The following GRIK3 variants were observed in gnomAD, a reference collection of about 807,000 sequenced individuals.
GRIK3 encodes glutamate receptor ionotropic, kainate 3.
GRIK3 carries 29 observed loss-of-function variants against 102.5 expected under a neutral mutation model. The ratio of observed to expected loss-of-function variants is 0.28; its 90% CI spans 0.21 to 0.39. The LOEUF is 0.39. Ranked by LOEUF, GRIK3 falls within the 10% of genes least tolerant of loss-of-function variation. The pLI, the probability that GRIK3 is intolerant of heterozygous loss-of-function variation, is 1.00. For missense variants in GRIK3, 908 were observed against 1,252.4 expected (o/e 0.73, Z 4.15); for synonymous variants, 511 against 504.9 (o/e 1.01, Z -0.16).
intron 1 of GRIK3, among the ~76,000 whole-genome samples, chr1:36,991,131 C>CA (rs1353094845): frequency 2.6e-5 from 4 of 152,180 alleles, no homozygotes; most frequent in African/African-American, 9.7e-5. Context: ...CAAATCACTT[C>CA]ACCTCTCTGA....
intron 1 of GRIK3, among the ~76,000 whole-genome samples, chr1:36,998,914 A>C (rs1469862579): frequency 6.6e-6 from 1 of 152,062 alleles, no homozygotes; most frequent in Non-Finnish European, 1.5e-5. Context: ...TCCATCTAGC[A>C]GGGTTTGCAG....
chr1:36,900,291 CT>C (rs1641220963), intron 1 of GRIK3, among the ~76,000 whole-genome samples: 1 of 152,072 alleles, frequency 6.6e-6, no homozygotes, highest in African/African-American at 2.4e-5. Flanking sequence ...AATGCTCCTC[CT>C]CCCCCTCCTG....
At chr1:37,032,521 G>A (rs900388542) in intron 1 of GRIK3, among the ~76,000 whole-genome samples, 2 of 152,130 alleles carry the variant, frequency 1.3e-5, no homozygotes, top group African/African-American at 4.8e-5. Context: ...CCCCTGGAAT[G>A]GTGCCAGGCT....
chr1:36,905,368 A>G (rs1641275216), intron 1 of GRIK3, among the ~76,000 whole-genome samples: 1 of 152,128 alleles, frequency 6.6e-6, no homozygotes, highest in African/African-American at 2.4e-5. Flanking sequence ...GACACACCAG[A>G]AGGACACACA....
Position 36,891,064 on chromosome 1 carries a change from C to G in GRIK3, c.148G>C (p.Ala50Pro). Residue 50 changes from alanine (A) to proline (P), a missense_variant, in exon 2 of 16, where the codon GCC (alanine) becomes CCC (proline). This residue lies in a region of GRIK3 where 585 missense variants were observed against 824.9 expected (regional missense o/e 0.71). Transcript: ENST00000373091. ...GIFEYADGPNAQVMNAEEHAF... is the reference protein window; with the variant it reads ...GIFEYADGPNPQVMNAEEHAF... ...TGCTCCTCGGCATTCATGACCTGGG[C>G]GTTGGGGCCGTCCGCATACTCGAAG... 1 of 1,613,446 alleles carries G rather than the reference C, an allele frequency of 6.2e-7. No homozygotes were observed. Among genetic ancestry groups the G allele is most frequent in the Non-Finnish European group, 8.5e-7 (1 of 1,179,608 alleles).
At position 36,801,533 on chromosome 1, in the gene GRIK3, C is replaced by T. The variant is rs771487604; in HGVS notation, c.*318G>A. The stretch of plus-strand genomic sequence containing the variant: ...ATTTTCTGTGCCCTCTGCAGGGCTG[C>T]GGCAGAAACTTCTGACTCTGGAGGA... On this transcript the variant is annotated 3_prime_UTR_variant, in exon 16 of 16. Coordinates refer to ENST00000373091, the MANE Select transcript of GRIK3 (RefSeq NM_000831.4). The T allele has an allele frequency of 1.8e-4, 45 of 252,510 alleles. No individual in the cohort carries two copies. Among genetic ancestry groups the T allele is most frequent in the Non-Finnish European group, 2.4e-4 (32 of 132,346 alleles). 15.6% of individuals were successfully genotyped at this position (252,510 alleles called of 1,614,324 possible).
rs576310035 is a variant in GRIK3 at position 36,827,010 on chromosome 1, G to A, written c.1531-1184C>T. On this transcript the variant is annotated intron_variant, in intron 10 of 15. Transcript: ENST00000373091. Reference sequence around the variant, plus strand: ...TGTTCTGCACATTCCACACTGTTTAGGATGTCCTCTTCTTATAGTCTCATT... The same window carrying A: ...TGTTCTGCACATTCCACACTGTTTAAGATGTCCTCTTCTTATAGTCTCATT... Among the ~76,000 whole-genome samples the A allele has an allele frequency of 5.3e-5, 8 of 152,208 alleles. No individual in the cohort carries two copies. The South Asian group carries it at 1.5e-3, about 28-fold the overall frequency.
chr1:37,001,556 G>A (rs1296162120), intron 1 of GRIK3, among the ~76,000 whole-genome samples: 5 of 151,948 alleles, frequency 3.3e-5, no homozygotes, highest in African/African-American at 4.8e-5. Context: ...ATCACACCAA[G>A]CAGAGGCCTG....
At chr1:36,973,495 C>T (rs1642165220) in intron 1 of GRIK3, among the ~76,000 whole-genome samples, 2 of 150,638 alleles carry the variant, frequency 1.3e-5, no homozygotes, top group South Asian at 4.2e-4. Flanking sequence ...TCTTGGCTCA[C>T]CACAACCTCC....
intron 1 of GRIK3, among the ~76,000 whole-genome samples, chr1:36,987,056 C>T (rs1642314268): frequency 6.6e-6 from 1 of 152,220 alleles, no homozygotes; most frequent in Non-Finnish European, 1.5e-5. Context: ...GCTGAGCACT[C>T]CTCTGCCCAC....
intron 9 of GRIK3, among the ~76,000 whole-genome samples, chr1:36,842,891 T>G (rs991353276): frequency 7.2e-5 from 11 of 152,178 alleles, no homozygotes; most frequent in African/African-American, 2.7e-4. Context: ...GTGCGAGTTC[T>G]GTGCCTGAGG....
rs1191746628 is a variant in GRIK3 at position 36,811,622 on chromosome 1, G to T, written c.2092-5296C>A. On this transcript the variant is annotated intron_variant, in intron 13 of 15. Coordinates refer to ENST00000373091, the MANE Select transcript of GRIK3 (RefSeq NM_000831.4). ...ATCTCAATGGCTCCATAAGGTGGGT[G>T]CCCTTTAGCTGGTCATCTCCAGTGT... Among the ~76,000 whole-genome samples, 6 of 152,158 alleles carry T rather than the reference G, an allele frequency of 3.9e-5. No individual in the cohort carries two copies. In the East Asian group the frequency reaches 9.6e-4, roughly 24 times the overall value.
chr1:37,018,992 C>T (rs961330374), intron 1 of GRIK3, among the ~76,000 whole-genome samples: 1 of 152,174 alleles, frequency 6.6e-6, no homozygotes, highest in African/African-American at 2.4e-5. Flanking sequence ...GATTTTCCCT[C>T]CCACCCTCCA....
chr1:36,883,692 C>A (rs1412295329), intron 2 of GRIK3, among the ~76,000 whole-genome samples: 1 of 152,128 alleles, frequency 6.6e-6, no homozygotes, highest in Non-Finnish European at 1.5e-5. Context: ...GGAGGAGAGG[C>A]CAACCAGAGG....
intron 1 of GRIK3, among the ~76,000 whole-genome samples, chr1:37,021,102 G>A (rs1353241346): frequency 1.4e-5 from 2 of 142,222 alleles, no homozygotes; most frequent in African/African-American, 5.3e-5. Context: ...GTGTGTGTGT[G>A]TGTGTGTGTG....
chr1:36,808,412 CA>C (rs1642524215), intron 13 of GRIK3, among the ~76,000 whole-genome samples: 1 of 152,174 alleles, frequency 6.6e-6, no homozygotes, highest in African/African-American at 2.4e-5. Flanking sequence ...ATGTCATGTC[CA>C]AAATTAGGTT....
chr1:36,820,874 T>C (rs514262), intron 11 of GRIK3, among the ~76,000 whole-genome samples: 29,363 of 152,084 alleles, frequency 0.19, 3,435 homozygotes, highest in African/African-American at 0.33. Flanking sequence ...GTCCTGATTA[T>C]TGAATTGAAG....
chr1:36,933,787 A>G (rs376624075), intron 1 of GRIK3, among the ~76,000 whole-genome samples: 24 of 152,322 alleles, frequency 1.6e-4, no homozygotes, highest in African/African-American at 4.8e-4. Flanking sequence ...GACGGAGGTC[A>G]TGTCCCTTCT....
chr1:37,017,369 TAAAAAAAAAAAA>T (rs774819790), intron 1 of GRIK3, among the ~76,000 whole-genome samples: 4 of 48,534 alleles, frequency 8.2e-5, no homozygotes, highest in African/African-American at 3.1e-4. Flanking sequence ...CCCTGTCTCT[TAAAAAAAAAAAA>T]AAAAAAAAAA....
Sources: gnomAD v4.1 joint callset for allele counts (sites outside exome capture counted in the v4.1 genomes callset) on GRCh38, gnomAD v4.1.1 for gene constraint, gnomAD v4.1.1 regional missense constraint, MANE v1.5 for transcripts, NCBI Gene and HGNC (gene_info 2026-07-23, HGNC 2026-07-21) for gene names.